RAVER2: variants seen among roughly 807,000 people sequenced by gnomAD.
RAVER2 encodes ribonucleoprotein, PTB binding 2.
RAVER2 carries 46 observed loss-of-function variants against 78.1 expected under a neutral mutation model. The observed-to-expected ratio is 0.59, with a 90% CI of 0.46 to 0.75. RAVER2 has a LOEUF of 0.75. Ranked by LOEUF, RAVER2 falls within the 30% of genes least tolerant of loss-of-function variation. The probability of loss-of-function intolerance (pLI) is 0.00; values close to 1 mark genes in which losing one functional copy is unlikely to be tolerated. For synonymous variants in RAVER2, 311 were observed against 313.3 expected, an observed-to-expected ratio of 0.99 and a Z score of 0.08; for missense variants, 793 against 837.5, an observed-to-expected ratio of 0.95 and a Z score of 0.66.
chr1:64,821,202 G>A (rs904137254), intron 11 of RAVER2, among the ~76,000 whole-genome samples: 5 of 152,114 alleles, frequency 3.3e-5, no homozygotes, highest in African/African-American at 9.7e-5. Context: ...CACATAGTAT[G>A]TCTTCTTTTG....
At chr1:64,810,052 GGTATCTGA>G (rs1313930640) in intron 9 of RAVER2, among the ~76,000 whole-genome samples, 1 of 152,126 alleles carries the variant, frequency 6.6e-6, no homozygotes, top group Admixed American at 6.5e-5. Flanking sequence ...TGTGAACATT[GGTATCTGA>G]GTCCCTGCTT....
chr1:64,745,622 A>G lies in RAVER2; in HGVS notation c.249+201A>G, dbSNP rs1651508045. Among the ~76,000 whole-genome samples the G allele has an allele frequency of 6.6e-6, 1 of 152,006 alleles. No individual in the cohort carries two copies. The highest frequency in any genetic ancestry group is 1.5e-5 in the Non-Finnish European group (1 of 67,972). ...GCCAGGGAGGGGGGCAGATTGGGAA[A>G]CTGAGGCTCTGAGTGGCGAAGCGGC... On this transcript the variant is annotated intron_variant, in intron 1 of 11. Coordinates refer to ENST00000294428, the Ensembl canonical transcript of RAVER2. This position sits in a 1 kb window ranked among gnomAD's most constrained non-coding sequence, Gnocchi z 4.3.
intron 1 of RAVER2, among the ~76,000 whole-genome samples, chr1:64,748,576 T>G (rs1291635375): frequency 6.6e-6 from 1 of 152,276 alleles, no homozygotes; most frequent in Non-Finnish European, 1.5e-5. Flanking sequence ...GTGTTCTGTC[T>G]GAGAATTTTA....
chr1:64,806,856 A>G (rs1383896277), intron 8 of RAVER2, among the ~76,000 whole-genome samples: 3 of 151,952 alleles, frequency 2.0e-5, no homozygotes, highest in Admixed American at 2.0e-4. Context: ...GACTGGGCAT[A>G]AAAAAAAGCA....
At chr1:64,782,768 A>G (rs1570551155) in intron 4 of RAVER2, among the ~76,000 whole-genome samples, 1 of 152,310 alleles carries the variant, frequency 6.6e-6, no homozygotes, top group Non-Finnish European at 1.5e-5. Flanking sequence ...CAAAGCAAGG[A>G]AGACTATTGA....
chr1:64,753,349 C>G (rs1325337001), intron 1 of RAVER2, among the ~76,000 whole-genome samples: 1 of 152,070 alleles, frequency 6.6e-6, no homozygotes, highest in Non-Finnish European at 1.5e-5. Flanking sequence ...GCCACCATGT[C>G]TGGCTTTTTT....
intron 11 of RAVER2, among the ~76,000 whole-genome samples, chr1:64,823,210 A>T (rs1457447082): frequency 6.6e-6 from 1 of 152,224 alleles, no homozygotes; most frequent in Non-Finnish European, 1.5e-5. Flanking sequence ...ATTTTCATTT[A>T]GTGTTTTAGA....
intron 6 of RAVER2, 135 bp downstream of exon 6, chr1:64,803,196 T>A: frequency 6.7e-6 from 4 of 599,804 alleles, no homozygotes; most frequent in Non-Finnish European, 8.5e-6. Context: ...TAAGTATAGG[T>A]ATGTAAAATC....
At chr1:64,813,826 T>TGG (rs1653684792) in intron 10 of RAVER2, among the ~76,000 whole-genome samples, 6 of 94,580 alleles carry the variant, frequency 6.3e-5, no homozygotes, top group Non-Finnish European at 1.0e-4. Context: ...TTTTAGAGAC[T>TGG]AGACACACAC....
intron 1 of RAVER2, among the ~76,000 whole-genome samples, chr1:64,749,918 T>G (rs1040737564): frequency 6.6e-6 from 1 of 152,246 alleles, no homozygotes; most frequent in Non-Finnish European, 1.5e-5. Context: ...CTTAGATTAT[T>G]TGTGTTCACT....
rs993858564 is a variant in RAVER2 at position 64,745,472 on chromosome 1, G to T, written c.249+51G>T. 1 of 1,472,742 alleles carries T rather than the reference G, an allele frequency of 6.8e-7. No homozygotes were observed. The highest frequency in any genetic ancestry group is 9.1e-7 in the Non-Finnish European group (1 of 1,100,574). The allele number at this position is 1,472,742 out of a possible 1,614,324, so 91.2% of individuals were successfully genotyped here. A position where few individuals can be genotyped will look rare whatever the true frequency, so the allele number is the denominator to read the frequency against. On this transcript the variant is annotated intron_variant, in intron 1 of 11. Coordinates refer to ENST00000294428, the Ensembl canonical transcript of RAVER2. This position sits in a 1 kb window ranked among gnomAD's most constrained non-coding sequence, Gnocchi z 4.3. ...GCGTCCCGAGGGGCGGCGGGGCGGC[G>T]CTCCGTGTCCAGGCTGGGATCGGGG...
At chr1:64,764,886 A>C (rs551258281) in intron 1 of RAVER2, among the ~76,000 whole-genome samples, 41 of 152,360 alleles carry the variant, frequency 2.7e-4, no homozygotes, top group Middle Eastern at 3.4e-3. Flanking sequence ...AATCTCCATT[A>C]CTCAAGTCAA....
At chr1:64,824,156 A>G (rs1044154743) in intron 11 of RAVER2, among the ~76,000 whole-genome samples, 5 of 152,198 alleles carry the variant, frequency 3.3e-5, no homozygotes, top group African/African-American at 1.2e-4. Flanking sequence ...GTTGTCCAGC[A>G]TGCAGCACAG....
chr1:64,763,837 A>T (rs1184986757), intron 1 of RAVER2, among the ~76,000 whole-genome samples: 1 of 151,032 alleles, frequency 6.6e-6, no homozygotes, highest in Non-Finnish European at 1.5e-5. Flanking sequence ...CAGGAGGTGG[A>T]GGTTGCGGTG....
rs765824656 is a variant in RAVER2, at chr1:64,804,740, G to A, written c.1198G>A (p.Val400Ile). 4 of 1,431,466 alleles carry A rather than the reference G, an allele frequency of 2.8e-6. No homozygotes were observed. The South Asian group carries it at 3.5e-5, about 13-fold the overall frequency. 88.7% of individuals were successfully genotyped at this position (1,431,466 alleles called of 1,614,324 possible). Residue 400 changes from valine (V) to isoleucine (I), a missense_variant, in exon 7 of 12, where the codon GTT becomes ATT. By Grantham distance (29) the Val-to-Ile change is conservative. Coordinates refer to ENST00000294428, the Ensembl canonical transcript of RAVER2. ...CGTTTTGTCATTTTCACAGAGCTCAGTTATGGGTAATACTTCTAATTTATT... is the reference window on the plus strand; with the variant it reads ...CGTTTTGTCATTTTCACAGAGCTCAATTATGGGTAATACTTCTAATTTATT...
intron 5 of RAVER2, 79 bp downstream of exon 5, chr1:64,789,593 A>C: frequency 1.7e-6 from 2 of 1,181,006 alleles, no homozygotes; most frequent in Non-Finnish European, 2.2e-6. Flanking sequence ...AATATGGAAA[A>C]ATACATTGAT....
chr1:64,789,328 T>C, intron 4 of RAVER2, 60 bp from the exon 5 acceptor site: 1 of 1,399,144 alleles, frequency 7.1e-7, no homozygotes, highest in Non-Finnish European at 9.5e-7. Context: ...AGAAAGCCTT[T>C]GAAATTGTGT....
exon 12 of RAVER2, chr1:64,832,894 AAACAG>A (rs1471631052): frequency 6.5e-6 from 1 of 153,126 alleles, no homozygotes; most frequent in African/African-American, 2.4e-5. Flanking sequence ...ACAAACAAAC[AAACAG>A]AAGAAAGGAA....
At chr1:64,799,980 T>C (rs1246546802) in intron 5 of RAVER2, among the ~76,000 whole-genome samples, 2 of 152,192 alleles carry the variant, frequency 1.3e-5, no homozygotes, top group Admixed American at 6.5e-5. Flanking sequence ...TGGTATCTTA[T>C]TGTGGTTTTG....
Sources: allele counts gnomAD v4.1 joint callset (sites outside exome capture counted in the v4.1 genomes callset), GRCh38; gene constraint gnomAD v4.1.1; non-coding constraint Gnocchi (gnomAD v3.1); transcripts MANE v1.5; gene names NCBI Gene and HGNC (gene_info 2026-07-23, HGNC 2026-07-21).